MECOM: variants seen among roughly 807,000 people sequenced by gnomAD.
The protein encoded by MECOM is histone-lysine N-methyltransferase MECOM.
Under a neutral mutation model 116.3 loss-of-function variants are expected in MECOM, and 13 were observed. That is an observed-to-expected ratio of 0.11 (90% CI 0.07 to 0.18). The LOEUF (loss-of-function observed/expected upper bound fraction) is 0.18. Among genes scored for constraint, MECOM ranks in the 10% least tolerant of loss-of-function variants. The pLI, the probability that MECOM is intolerant of heterozygous loss-of-function variation, is 1.00. For synonymous variants in MECOM, 528 were observed against 535.2 expected (o/e 0.99, Z 0.19); for missense variants, 1,299 against 1,509.0 (o/e 0.86, Z 2.31).
chr3:169,429,165 A>C (rs1352628624), intron 1 of MECOM, among the ~76,000 whole-genome samples: 1 of 152,184 alleles, frequency 6.6e-6, no homozygotes, highest in Non-Finnish European at 1.5e-5. Flanking sequence ...CCAGAATGAA[A>C]ACTCAGAATA....
intron 1 of MECOM, chr3:169,473,053 C>T: frequency 1.4e-6 from 1 of 702,414 alleles, no homozygotes; most frequent in Non-Finnish European, 1.7e-6. Context: ...TCATTAGCAT[C>T]CAACAGTCTC....
intron 2 of MECOM, among the ~76,000 whole-genome samples, chr3:169,310,335 T>C (rs1309271679): frequency 1.3e-5 from 2 of 152,232 alleles, no homozygotes; most frequent in Non-Finnish European, 2.9e-5. Context: ...CTTCTTCAGA[T>C]CACTTATATT....
At chr3:169,397,320 G>A (rs1050131989) in intron 1 of MECOM, among the ~76,000 whole-genome samples, 4 of 152,182 alleles carry the variant, frequency 2.6e-5, no homozygotes, top group Admixed American at 6.5e-5. Context: ...GCTAAACAAC[G>A]TTGGAGGAAG....
intron 2 of MECOM, among the ~76,000 whole-genome samples, chr3:169,183,761 TACACACACACACACACAC>T (rs71166249): frequency 0.21 from 24,337 of 118,704 alleles, 2,926 homozygotes; most frequent in Non-Finnish European, 0.26. Context: ...GATACATACA[TACACACACACACACACAC>T]ACACACACAC....
intron 1 of MECOM, among the ~76,000 whole-genome samples, chr3:169,653,465 A>G (rs1226262865): frequency 6.6e-6 from 1 of 152,238 alleles, no homozygotes; most frequent in Non-Finnish European, 1.5e-5. Context: ...CATAGAAGTC[A>G]TATCTCCAGG....
intron 1 of MECOM, among the ~76,000 whole-genome samples, chr3:169,618,146 C>A (rs1283659818): frequency 1.3e-5 from 2 of 152,182 alleles, no homozygotes; most frequent in East Asian, 1.9e-4. Flanking sequence ...GGGGCCATGG[C>A]ATATAGTTAA....
intron 2 of MECOM, among the ~76,000 whole-genome samples, chr3:169,209,113 A>C (rs1480413056): frequency 2.6e-5 from 4 of 152,190 alleles, no homozygotes; most frequent in African/African-American, 9.6e-5. Context: ...CCTATTTAAT[A>C]AATGGTGCTG....
chr3:169,134,077 T>C (rs1419761452), intron 3 of MECOM: 1 of 515,666 alleles, frequency 1.9e-6, no homozygotes, highest in African/African-American at 2.0e-5. Context: ...TTGTCTCTAT[T>C]GGGGAATACT....
At chr3:169,172,892 G>C (rs1283865016) in intron 2 of MECOM, among the ~76,000 whole-genome samples, 1 of 151,890 alleles carries the variant, frequency 6.6e-6, no homozygotes, top group African/African-American at 2.4e-5. Flanking sequence ...TTGTCTTATT[G>C]GATTCTCGTG....
chr3:169,099,125 A>C (rs1560137977), intron 12 of MECOM, among the ~76,000 whole-genome samples: 1 of 141,212 alleles, frequency 7.1e-6, no homozygotes, highest in Admixed American at 6.9e-5. Flanking sequence ...AAAAAAAAAA[A>C]AAAAACCCAG....
chr3:169,473,776 C>T (rs1312760043), intron 1 of MECOM, among the ~76,000 whole-genome samples: 1 of 129,500 alleles, frequency 7.7e-6, no homozygotes, highest in Non-Finnish European at 1.8e-5. Flanking sequence ...TTAGAAAAAA[C>T]ACAAAAACAA....
At chr3:169,092,220 A>G (rs1481331993) in intron 14 of MECOM, among the ~76,000 whole-genome samples, 1 of 152,030 alleles carries the variant, frequency 6.6e-6, no homozygotes, top group Non-Finnish European at 1.5e-5. Context: ...GAGCCAGTGC[A>G]TCAGGGCAGT....
At chr3:169,160,062 T>C (rs918151604) in intron 2 of MECOM, among the ~76,000 whole-genome samples, 1 of 152,194 alleles carries the variant, frequency 6.6e-6, no homozygotes, top group Non-Finnish European at 1.5e-5. Context: ...GGTGGTGGAT[T>C]TTTATATAGC....
At chr3:169,120,134 GTCCA>G (rs1730502771) in intron 7 of MECOM, among the ~76,000 whole-genome samples, 1 of 152,114 alleles carries the variant, frequency 6.6e-6, no homozygotes, top group East Asian at 1.9e-4. Flanking sequence ...GTGTATCTGG[GTCCA>G]AAATCAGTCT....
intron 2 of MECOM, among the ~76,000 whole-genome samples, chr3:169,189,669 A>T (rs1240737210): frequency 6.6e-6 from 1 of 152,014 alleles, no homozygotes; most frequent in Non-Finnish European, 1.5e-5. Flanking sequence ...GTTTATAGGA[A>T]GTGAAGTTAT....
chr3:169,663,476 C>T lies in MECOM; in HGVS notation c.-104G>A. The T allele has an allele frequency of 2.1e-4, 2 of 9,662 alleles. No homozygotes were observed. Among genetic ancestry groups the T allele is most frequent in the Non-Finnish European group, 4.6e-4 (2 of 4,356 alleles). 0.6% of individuals were successfully genotyped at this position (9,662 alleles called of 1,614,324 possible). ...CTCGCTCCCTCCCTCTCTCTCCTGT[C>T]TCTCTCTCTCTCTCTCTCTCTCTCT... is the stretch of plus-strand genomic sequence containing the variant. On this transcript the variant is annotated 5_prime_UTR_variant, in exon 1 of 17. Transcript: ENST00000651503.
chr3:169,480,295 G>C (rs946333777), intron 1 of MECOM, among the ~76,000 whole-genome samples: 2 of 152,128 alleles, frequency 1.3e-5, no homozygotes, highest in African/African-American at 4.8e-5. Context: ...GGCTCTACCT[G>C]CTAGCTTGCC....
intron 1 of MECOM, among the ~76,000 whole-genome samples, chr3:169,627,405 G>A (rs1243681030): frequency 2.6e-5 from 4 of 152,220 alleles, no homozygotes; most frequent in Non-Finnish European, 5.9e-5. Flanking sequence ...TTACCCAGCA[G>A]CTTAATTAAT....
intron 2 of MECOM, among the ~76,000 whole-genome samples, chr3:169,302,271 G>A (rs370385411): frequency 6.6e-6 from 1 of 152,174 alleles, no homozygotes; most frequent in South Asian, 2.1e-4. Context: ...GAGAATCAGT[G>A]ATTCAAGGTA....
Sources: allele counts gnomAD v4.1 joint callset (sites outside exome capture counted in the v4.1 genomes callset), GRCh38; gene constraint gnomAD v4.1.1; transcripts MANE v1.5; gene names NCBI Gene and HGNC (gene_info 2026-07-23, HGNC 2026-07-21).